Variants in ZFPM2 observed in about 807,000 individuals in gnomAD.
ZFPM2 encodes the protein zinc finger protein, FOG family member 2.
In ZFPM2, 20 loss-of-function variants were observed where a neutral mutation model predicts 98.6. The observed-to-expected ratio is 0.20, with a 90% confidence interval of 0.14 to 0.29. The LOEUF is 0.29. Ranked by LOEUF, ZFPM2 falls within the 10% of genes least tolerant of loss-of-function variation. The pLI is 1.00. For synonymous variants in ZFPM2, 518 were observed against 502.7 expected, an observed-to-expected ratio of 1.03 and a Z score of -0.41; for missense variants, 1,310 against 1,388.6, an observed-to-expected ratio of 0.94 and a Z score of 0.90.
At chr8:105,350,230 A>T (rs1322018636) in intron 1 of ZFPM2, among the ~76,000 whole-genome samples, 1 of 152,186 alleles carries the variant, frequency 6.6e-6, no homozygotes, top group East Asian at 1.9e-4. Context: ...TGAAACAATA[A>T]TTTGCCCAGA....
intron 3 of ZFPM2, among the ~76,000 whole-genome samples, chr8:105,514,434 G>C (rs1813879685): frequency 6.7e-6 from 1 of 150,238 alleles, no homozygotes; most frequent in African/African-American, 2.5e-5. Context: ...ATGTAACCTT[G>C]ATGTATCTAG....
At chr8:105,388,140 G>T (rs1028299066) in intron 1 of ZFPM2, among the ~76,000 whole-genome samples, 7 of 152,244 alleles carry the variant, frequency 4.6e-5, no homozygotes, top group African/African-American at 1.7e-4. Flanking sequence ...CTAAAAGCTG[G>T]TAAAGACAGA....
At chr8:105,629,486 C>T (rs1238321160) in intron 4 of ZFPM2, among the ~76,000 whole-genome samples, 1 of 152,116 alleles carries the variant, frequency 6.6e-6, no homozygotes, top group Non-Finnish European at 1.5e-5. Context: ...TTTGTGTTAG[C>T]TTTCTATTGC....
At chr8:105,762,698 C>CCA (rs754237813) in intron 5 of ZFPM2, among the ~76,000 whole-genome samples, 27 of 151,214 alleles carry the variant, frequency 1.8e-4, no homozygotes, top group African/African-American at 4.8e-4. Context: ...CAATGCTATA[C>CCA]CACACACACA....
At chr8:105,686,772 A>G (rs1453390963) in intron 5 of ZFPM2, among the ~76,000 whole-genome samples, 1 of 152,214 alleles carries the variant, frequency 6.6e-6, no homozygotes, top group Non-Finnish European at 1.5e-5. Context: ...ATAGGTGGTC[A>G]TCCTAGACAA....
chr8:105,342,554 T>G (rs1342016824), intron 1 of ZFPM2, among the ~76,000 whole-genome samples: 3 of 151,848 alleles, frequency 2.0e-5, no homozygotes, highest in African/African-American at 7.3e-5. Context: ...TGCCTATTTA[T>G]CTAAAGAAAA....
At chr8:105,616,664 CAAT>C (rs4038140) in intron 4 of ZFPM2, 913 of 369,048 alleles carry the variant, frequency 2.5e-3, no homozygotes, top group South Asian at 3.7e-3. Context: ...TATGGTATAA[CAAT>C]AATAATAATA....
At chr8:105,546,374 C>G (rs143472726) in intron 3 of ZFPM2, among the ~76,000 whole-genome samples, 4,216 of 151,812 alleles carry the variant, frequency 0.028, 199 homozygotes, top group African/African-American at 0.097. Flanking sequence ...GCCGGGAGTT[C>G]AAGACCAGCC....
chr8:105,565,569 C>G (rs552650113), intron 4 of ZFPM2, among the ~76,000 whole-genome samples: 12 of 152,134 alleles, frequency 7.9e-5, no homozygotes, highest in Non-Finnish European at 1.3e-4. Context: ...TCAACTCAGT[C>G]TGATTCCATA....
chr8:105,765,508 A>G, intron 5 of ZFPM2, among the ~76,000 whole-genome samples: 1 of 151,826 alleles, frequency 6.6e-6, no homozygotes, highest in East Asian at 1.9e-4. Context: ...ATCTCTGGAG[A>G]CAATTGCATT....
rs755087262 is a variant in ZFPM2, at chr8:105,801,880, G to A, written c.1798G>A (p.Gly600Ser). ...KMPEALSPNT[G>S]QTSINLLNPA... ...GCCTGAAGCTTTGAGTCCCAACACT[G>A]GCCAAACCTCCATAAACCTTCTCAA... is the stretch of plus-strand genomic sequence containing the variant. Residue 600 changes from glycine to serine, a missense_variant, in exon 8 of 8, where the codon GGC becomes AGC. Gly to Ser is a moderately conservative substitution (Grantham distance 56). Coordinates refer to ENST00000407775, the MANE Select transcript of ZFPM2 (RefSeq NM_012082.4). 3.7e-5 allele frequency: 60 copies of A among 1,613,776 alleles called. No individual in the cohort carries two copies. Among genetic ancestry groups the A allele is most frequent in the Non-Finnish European group, 5.1e-5 (60 of 1,179,866 alleles).
chr8:105,560,991 A>C (rs180738967), intron 3 of ZFPM2, among the ~76,000 whole-genome samples: 1 of 152,332 alleles, frequency 6.6e-6, no homozygotes, highest in East Asian at 1.9e-4. Context: ...AGTCTTGAAT[A>C]AATACAAGAA....
At chr8:105,693,980 C>CTTT (rs376834507) in intron 5 of ZFPM2, among the ~76,000 whole-genome samples, 114 of 118,398 alleles carry the variant, frequency 9.6e-4, no homozygotes, top group African/African-American at 1.2e-3. Context: ...TTTTTCTTTT[C>CTTT]TTTTTTTTTT....
chr8:105,391,395 T>C (rs1177171375), intron 1 of ZFPM2, among the ~76,000 whole-genome samples: 2 of 152,220 alleles, frequency 1.3e-5, no homozygotes, highest in Admixed American at 1.3e-4. Flanking sequence ...TGGTGGCTGC[T>C]GAATGTGGAG....
In ZFPM2 at chr8:105,622,151, A is replaced by T. The variant is rs539793943; in HGVS notation, c.421-12095A>T. On this transcript the variant is annotated intron_variant, in intron 4 of 7. Transcript: ENST00000407775. ...TTTATCTGGCAAAAATAAATAAATA[A>T]ATAAAACAACTTGGCCCAAACTTCA... 5.3e-5 allele frequency among the ~76,000 whole-genome samples: 8 copies of T among 152,210 alleles called. No individual in the cohort carries two copies. The East Asian group carries it at 1.5e-3, about 29-fold the overall frequency.
At chr8:105,528,893 G>C (rs1278427254) in intron 3 of ZFPM2, 3 of 152,146 alleles carry the variant, frequency 2.0e-5, no homozygotes, top group Non-Finnish European at 4.4e-5. Context: ...CAGATTCTTA[G>C]AAGACCCTTC....
At chr8:105,396,890 T>G (rs888120405) in intron 1 of ZFPM2, among the ~76,000 whole-genome samples, 1 of 152,216 alleles carries the variant, frequency 6.6e-6, no homozygotes, top group Non-Finnish European at 1.5e-5. Context: ...CAGTAATTTG[T>G]AGTATTAATT....
chr8:105,481,527 T>A (rs1448733458), intron 3 of ZFPM2, among the ~76,000 whole-genome samples: 1 of 152,144 alleles, frequency 6.6e-6, no homozygotes, highest in Non-Finnish European at 1.5e-5. Context: ...GGCTCCTAAA[T>A]TTATGAGCTA....
At chr8:105,330,279 T>C (rs1261096962) in intron 1 of ZFPM2, among the ~76,000 whole-genome samples, 1 of 151,364 alleles carries the variant, frequency 6.6e-6, no homozygotes, top group Non-Finnish European at 1.5e-5. Flanking sequence ...GACAGTTGGG[T>C]CTCAGCAAAT....
Sources: gnomAD v4.1 joint callset for allele counts (sites outside exome capture counted in the v4.1 genomes callset) on GRCh38, gnomAD v4.1.1 for gene constraint, MANE v1.5 for transcripts, NCBI Gene and HGNC (gene_info 2026-07-23, HGNC 2026-07-21) for gene names.